Variants in MGST2 observed in about 807,000 individuals in gnomAD.
The protein encoded by MGST2 is microsomal glutathione S-transferase 2.
In MGST2, 9 loss-of-function variants were observed where a neutral mutation model predicts 16.6. The observed-to-expected ratio is 0.54, with a 90% confidence interval of 0.33 to 0.95. The LOEUF (loss-of-function observed/expected upper bound fraction) is 0.95. MGST2 is among the 40% of genes least tolerant of loss of function. The pLI is 0.03. For synonymous variants in MGST2, 79 were observed against 68.0 expected (o/e 1.16, Z -0.79); for missense variants, 159 against 175.1 (o/e 0.91, Z 0.52).
intron 5 of MGST2, among the ~76,000 whole-genome samples, chr4:139,714,441 C>CT (rs1194741142): frequency 6.6e-6 from 1 of 152,214 alleles, no homozygotes; most frequent in African/African-American, 2.4e-5. Context: ...TTCTCTTTCC[C>CT]TGAGGGGCCC....
In MGST2 at chr4:139,700,502, T is replaced by G. The variant is rs75485768; in HGVS notation, c.230-2953T>G. On this transcript the variant is annotated intron_variant, in intron 3 of 4. Coordinates refer to ENST00000265498, the MANE Select transcript of MGST2 (RefSeq NM_002413.5). ...AGATTTACAGGATTTAAAGCCTTCATATGAGGGAGGGTCTATAATTAATTT... is the reference window on the plus strand; with the variant it reads ...AGATTTACAGGATTTAAAGCCTTCAGATGAGGGAGGGTCTATAATTAATTT... Among the ~76,000 whole-genome samples the G allele has an allele frequency of 2.8e-3, 433 of 152,262 alleles. 3 individuals carry two copies. Among genetic ancestry groups the G allele is most frequent in the African/African-American group, 9.4e-3 (390 of 41,556 alleles).
intron 1 of MGST2, among the ~76,000 whole-genome samples, chr4:139,674,483 CTTTTT>C (rs1730866029): frequency 7.3e-6 from 1 of 136,260 alleles, no homozygotes; most frequent in East Asian, 2.1e-4. Flanking sequence ...TTTTTTTTTT[CTTTTT>C]TTATCTGGTG....
downstream of MGST2, among the ~76,000 whole-genome samples, chr4:139,706,705 G>C (rs1727532332): frequency 6.6e-6 from 1 of 151,922 alleles, no homozygotes; most frequent in Non-Finnish European, 1.5e-5. Context: ...CACACACTTT[G>C]GTTAAACACG....
rs566848668 is a variant in MGST2 at position 139,703,448 on chromosome 4, C to G, written c.230-7C>G. ...GCCTTTTCTTTTTTTTTCCCACCCC[C>G]CTATAGTTTTTGCTACTTGTCTGGG... is the stretch of plus-strand genomic sequence containing the variant. On this transcript the variant is annotated splice_polypyrimidine_tract_variant and splice_region_variant and intron_variant, in intron 3 of 4. Coordinates refer to ENST00000265498, the MANE Select transcript of MGST2 (RefSeq NM_002413.5). 4 of 1,612,976 alleles carry G rather than the reference C, an allele frequency of 2.5e-6. No homozygotes were observed. Among genetic ancestry groups the G allele is most frequent in the Middle Eastern group, 1.7e-4 (1 of 6,052 alleles).
chr4:139,680,348 T>C (rs1731174429), intron 2 of MGST2, among the ~76,000 whole-genome samples: 2 of 152,216 alleles, frequency 1.3e-5, no homozygotes, highest in Admixed American at 1.3e-4. Flanking sequence ...TTTATTTCTT[T>C]GTTTGCTTAG....
chr4:139,677,365 G>A (rs1731014895), intron 1 of MGST2, among the ~76,000 whole-genome samples: 1 of 152,196 alleles, frequency 6.6e-6, no homozygotes, highest in African/African-American at 2.4e-5. Context: ...ATGTACATTG[G>A]TTTGGTCTAG....
chr4:139,699,737 T>A (rs1241592807), intron 3 of MGST2, among the ~76,000 whole-genome samples: 6 of 152,148 alleles, frequency 3.9e-5, no homozygotes, highest in Non-Finnish European at 8.8e-5. Context: ...AATGAAAAAT[T>A]CACATTAATA....
chr4:139,696,750 C>T (rs1726945354), intron 3 of MGST2, among the ~76,000 whole-genome samples: 1 of 152,200 alleles, frequency 6.6e-6, no homozygotes, highest in Admixed American at 6.5e-5. Flanking sequence ...TGACGGCTTT[C>T]ACAACCTTCC....
chr4:139,717,381 T>C (rs1728021391), intron 5 of MGST2: 1 of 152,306 alleles, frequency 6.6e-6, no homozygotes, highest in African/African-American at 2.4e-5. Context: ...GTTTGTTTGC[T>C]TTTTTTTGGT....
rs1303214845 is a variant in MGST2 at position 139,704,167 on chromosome 4, A to C, written c.*19A>C. The C allele has an allele frequency of 2.5e-6, 4 of 1,613,552 alleles. No homozygotes were observed. The highest frequency in any genetic ancestry group is 3.4e-6 in the Non-Finnish European group (4 of 1,179,596). ...ATTCTAACTTTTTCTCTTCCCTTTA[A>C]TACTTGCAGAAGCTGTTCCCACCAT... On this transcript the variant is annotated 3_prime_UTR_variant, in exon 5 of 5. Transcript: ENST00000265498.
chr4:139,695,803 G>A (rs1726888028), intron 3 of MGST2, among the ~76,000 whole-genome samples: 1 of 152,136 alleles, frequency 6.6e-6, no homozygotes, highest in Admixed American at 6.5e-5. Flanking sequence ...ACTCAAGAAT[G>A]AGAACGACAT....
At chr4:139,673,766 A>G (rs912368177) in intron 1 of MGST2, among the ~76,000 whole-genome samples, 3 of 152,172 alleles carry the variant, frequency 2.0e-5, no homozygotes, top group Non-Finnish European at 4.4e-5. Context: ...GCTGGTCTTG[A>G]ACTCCTAGTC....
chr4:139,712,734 C>G (rs995662279), intron 5 of MGST2, among the ~76,000 whole-genome samples: 3 of 152,160 alleles, frequency 2.0e-5, no homozygotes, highest in Non-Finnish European at 4.4e-5. Flanking sequence ...AAACCCTATA[C>G]AGGGACTGTG....
Position 139,666,120 on chromosome 4 carries a change from G to T in MGST2, c.58+43G>T, listed in dbSNP as rs758763279. On this transcript the variant is annotated intron_variant, in intron 1 of 4. Transcript: ENST00000265498. ...TTCGTGTGTGTGCGCGTGTGTGCGTGTGTGTGTGTGTGTGACAAGGCTTGC... is the reference window on the plus strand; with the variant it reads ...TTCGTGTGTGTGCGCGTGTGTGCGTTTGTGTGTGTGTGTGACAAGGCTTGC... 2.1e-3 allele frequency: 1,801 copies of T among 850,382 alleles called. 1 individual carries two copies. Among genetic ancestry groups the T allele is most frequent in the Non-Finnish European group, 2.5e-3 (1,675 of 670,082 alleles). 52.7% of individuals were successfully genotyped at this position (850,382 alleles called of 1,614,324 possible).
chr4:139,744,497 C>T (rs926586738), downstream of MGST2, among the ~76,000 whole-genome samples: 2 of 152,176 alleles, frequency 1.3e-5, no homozygotes, highest in Non-Finnish European at 2.9e-5. Context: ...AAATATTGCT[C>T]AGAAAACAAG....
At chr4:139,731,435 TAAAAAAA>T (rs70943437) in intron 5 of MGST2, 14 of 38,744 alleles carry the variant, frequency 3.6e-4, no homozygotes, top group South Asian at 2.0e-3. Flanking sequence ...CTGTCTCTAC[TAAAAAAA>T]AAAAAAAAAA....
the MGST2 span, among the ~76,000 whole-genome samples, chr4:139,750,378 G>A: frequency 1.3e-5 from 2 of 152,178 alleles, no homozygotes; most frequent in African/African-American, 4.8e-5. Flanking sequence ...GCGGTGGGTC[G>A]TGAGTCCTCC....
chr4:139,719,346 C>G, intron 5 of MGST2: 2 of 1,597,008 alleles, frequency 1.3e-6, no homozygotes, highest in Non-Finnish European at 1.7e-6. Context: ...AACAATTCAT[C>G]AAGCTCCTGC....
intron 1 of MGST2, among the ~76,000 whole-genome samples, chr4:139,678,332 G>A (rs1286943503): frequency 6.6e-6 from 1 of 152,160 alleles, no homozygotes; most frequent in Non-Finnish European, 1.5e-5. Context: ...TTTCAAAGTG[G>A]TTGTACCGTT....
Sources: gnomAD v4.1 joint callset for allele counts (sites outside exome capture counted in the v4.1 genomes callset) on GRCh38, gnomAD v4.1.1 for gene constraint, MANE v1.5 for transcripts, NCBI Gene and HGNC (gene_info 2026-07-23, HGNC 2026-07-21) for gene names.